Variants in DCAF10 observed in about 807,000 individuals in gnomAD.
DCAF10 encodes the protein DDB1- and CUL4-associated factor 10.
DCAF10 carries 19 observed loss-of-function variants against 51.9 expected under a neutral mutation model. The ratio of observed to expected loss-of-function variants is 0.37; its 90% CI spans 0.26 to 0.54. The LOEUF is 0.54. DCAF10 is among the 20% of genes least tolerant of loss of function. The pLI is 0.87. For missense variants in DCAF10, 510 were observed against 730.6 expected, an observed-to-expected ratio of 0.70 and a Z score of 3.48; for synonymous variants, 291 against 297.1, an observed-to-expected ratio of 0.98 and a Z score of 0.21.
At chr9:37,860,008 G>T in intron 5 of DCAF10, 40 bp from the exon 6 acceptor site, 2 of 1,609,504 alleles carry the variant, frequency 1.2e-6, no homozygotes, top group East Asian at 2.2e-5. Context: ...TTAGTTTTTT[G>T]ATAATACAAA....
At chr9:37,839,914 T>G (rs1830282522) in intron 2 of DCAF10, among the ~76,000 whole-genome samples, 1 of 152,244 alleles carries the variant, frequency 6.6e-6, no homozygotes, top group Non-Finnish European at 1.5e-5. Flanking sequence ...CCATGTGTAT[T>G]GTATACTGCA....
In DCAF10 at chr9:37,865,805, G is replaced by A. The variant is rs1353612575; in HGVS notation, c.*4297G>A. 1 of 151,890 alleles carries A rather than the reference G, an allele frequency of 6.6e-6. No homozygotes were observed. 9.4% of individuals were successfully genotyped at this position (151,890 alleles called of 1,614,324 possible). A position where few individuals can be genotyped will look rare whatever the true frequency, so the allele number is the denominator to read the frequency against. On this transcript the variant is annotated 3_prime_UTR_variant, in exon 7 of 7. Coordinates refer to ENST00000377724, the MANE Select transcript of DCAF10 (RefSeq NM_024345.5). ...TTATTTCTCCTTGCTATATTCCTGAGACTATACTAAAAACTTTAAGAAAAG... is the reference window on the plus strand; with the variant it reads ...TTATTTCTCCTTGCTATATTCCTGAAACTATACTAAAAACTTTAAGAAAAG...
At chr9:37,828,274 C>A (rs1285002850) in intron 2 of DCAF10, among the ~76,000 whole-genome samples, 1 of 151,716 alleles carries the variant, frequency 6.6e-6, no homozygotes, top group African/African-American at 2.4e-5. Context: ...AAATCTCCAG[C>A]CAACAATTTT....
At chr9:37,836,273 T>G in intron 2 of DCAF10, 1 of 1,579,094 alleles carries the variant, frequency 6.3e-7, no homozygotes, top group Non-Finnish European at 8.7e-7. Flanking sequence ...TGGAATATAT[T>G]CAGCGAAACT....
chr9:37,814,381 C>T (rs185929477), intron 1 of DCAF10, among the ~76,000 whole-genome samples: 2 of 145,252 alleles, frequency 1.4e-5, no homozygotes, highest in South Asian at 2.2e-4. Context: ...AACTCCTGAC[C>T]TTGTGATCCG....
rs553643703 is a variant in DCAF10, at chr9:37,864,899, T to TG, written c.*3394dup. ...CCCCAATTTAATTTGGAGGTAATAGTGGGTCAGAAAGATTAAATGACTTGC... is the reference window on the plus strand; with the variant it reads ...CCCCAATTTAATTTGGAGGTAATAGTGGGGTCAGAAAGATTAAATGACTTGC... On this transcript the variant is annotated 3_prime_UTR_variant, in exon 7 of 7. Coordinates refer to ENST00000377724, the MANE Select transcript of DCAF10 (RefSeq NM_024345.5). 2 of 152,048 alleles carry TG rather than the reference T, an allele frequency of 1.3e-5. No homozygotes were observed. Among genetic ancestry groups the TG allele is most frequent in the Non-Finnish European group, 2.9e-5 (2 of 68,028 alleles). The allele number at this position is 152,048 out of a possible 1,614,324, so 9.4% of individuals were successfully genotyped here. A position where few individuals can be genotyped will look rare whatever the true frequency, so the allele number is the denominator to read the frequency against.
chr9:37,853,247 T>C (rs1205585059), intron 3 of DCAF10, among the ~76,000 whole-genome samples: 1 of 150,532 alleles, frequency 6.6e-6, no homozygotes, highest in East Asian at 2.0e-4. Flanking sequence ...GGCATGGTGG[T>C]TCATGCCTGT....
intron 2 of DCAF10, among the ~76,000 whole-genome samples, chr9:37,834,297 A>G (rs532925081): frequency 1.3e-5 from 2 of 152,154 alleles, no homozygotes; most frequent in Middle Eastern, 3.2e-3. Flanking sequence ...GTTTTTAATA[A>G]GTAATATTTT....
rs1172889258 is a variant in DCAF10, at chr9:37,829,835, C to T, written c.653+10434C>T. 6.6e-6 allele frequency among the ~76,000 whole-genome samples: 1 copy of T among 152,036 alleles called. No individual in the cohort carries two copies. Among genetic ancestry groups the T allele is most frequent in the Non-Finnish European group, 1.5e-5 (1 of 68,010 alleles). On this transcript the variant is annotated intron_variant, in intron 2 of 6. Transcript: ENST00000377724. The surrounding 1 kb of genome is among the most constrained non-coding windows in gnomAD (Gnocchi z 4.2). Reference sequence around the variant, plus strand: ...TAGCCTGGGCAACACAGTGAGACTCCGTCTCTACAAACAATTTAAAAATTA... The same window carrying T: ...TAGCCTGGGCAACACAGTGAGACTCTGTCTCTACAAACAATTTAAAAATTA...
chr9:37,836,595 A>G (rs1192508454), intron 2 of DCAF10, among the ~76,000 whole-genome samples: 1 of 151,836 alleles, frequency 6.6e-6, no homozygotes, highest in East Asian at 1.9e-4. Flanking sequence ...TTTTTTGTAC[A>G]TGTCATTGTT....
intron 2 of DCAF10, chr9:37,836,239 CTG>C: frequency 6.4e-7 from 1 of 1,551,518 alleles, no homozygotes; most frequent in Non-Finnish European, 8.9e-7. Flanking sequence ...GAACATCTAA[CTG>C]GAAGCACAGC....
At chr9:37,805,405 A>C (rs1829081863) in intron 1 of DCAF10, among the ~76,000 whole-genome samples, 1 of 152,112 alleles carries the variant, frequency 6.6e-6, no homozygotes, top group Non-Finnish European at 1.5e-5. Flanking sequence ...AATCACTTGA[A>C]CCTGGGAGGC....
Position 37,862,050 on chromosome 9 carries a change from G to A in DCAF10, c.*542G>A, listed in dbSNP as rs900027832. On this transcript the variant is annotated 3_prime_UTR_variant, in exon 7 of 7. Transcript: ENST00000377724. ...AGTTACTGTTATGTTTATCTATATT[G>A]AGCACAGATAATGGCATTATTCTTA... The A allele has an allele frequency of 6.5e-6, 1 of 152,832 alleles. No individual in the cohort carries two copies. Among genetic ancestry groups the A allele is most frequent in the Admixed American group, 6.5e-5 (1 of 15,362 alleles). The allele number at this position is 152,832 out of a possible 1,614,324, so 9.5% of individuals were successfully genotyped here.
At chr9:37,855,657 A>G (rs1830824809) in intron 4 of DCAF10, among the ~76,000 whole-genome samples, 1 of 152,336 alleles carries the variant, frequency 6.6e-6, no homozygotes, top group East Asian at 1.9e-4. Context: ...AATCCAGGGG[A>G]AAAAAGACTT....
At chr9:37,835,029 G>C (rs1313306190) in intron 2 of DCAF10, among the ~76,000 whole-genome samples, 5 of 152,154 alleles carry the variant, frequency 3.3e-5, no homozygotes, top group African/African-American at 1.2e-4. Context: ...CAAGAGATCA[G>C]CTGGCCTCGG....
At position 37,806,028 on chromosome 9, in the gene DCAF10, G is replaced by A. The variant is rs117575706; in HGVS notation, c.539+4623G>A. On this transcript the variant is annotated intron_variant, in intron 1 of 6. Coordinates refer to ENST00000377724, the MANE Select transcript of DCAF10 (RefSeq NM_024345.5). ...GAGCTCGGAAGGTGGAGGCTGCAGT[G>A]AACCAGGATTGTGCCACTGCACTCC... Among the ~76,000 whole-genome samples, 1,023 of 152,216 alleles carry A rather than the reference G, an allele frequency of 6.7e-3. 40 individuals are homozygous for A. In the East Asian group the frequency reaches 0.11, roughly 16 times the overall value.
At chr9:37,806,897 A>C (rs1829130904) in intron 1 of DCAF10, among the ~76,000 whole-genome samples, 1 of 152,198 alleles carries the variant, frequency 6.6e-6, no homozygotes, top group Non-Finnish European at 1.5e-5. Flanking sequence ...GGGAATTAAG[A>C]AGCAGAAAGT....
At chr9:37,839,949 C>T (rs371161938) in intron 2 of DCAF10, among the ~76,000 whole-genome samples, 112 of 152,310 alleles carry the variant, frequency 7.4e-4, no homozygotes, top group African/African-American at 2.4e-3. Context: ...CCTAGGCAGA[C>T]AGGTTCCTTC....
chr9:37,847,296 T>C (rs77560228), intron 3 of DCAF10, among the ~76,000 whole-genome samples: 25,434 of 135,700 alleles, frequency 0.19, 2,762 homozygotes, highest in African/African-American at 0.29. Context: ...ACCACAAATA[T>C]TCCTAAAAAA....
Sources: gnomAD v4.1 joint callset for allele counts (sites outside exome capture counted in the v4.1 genomes callset) on GRCh38, gnomAD v4.1.1 for gene constraint, Gnocchi (gnomAD v3.1) non-coding constraint, MANE v1.5 for transcripts, NCBI Gene and HGNC (gene_info 2026-07-23, HGNC 2026-07-21) for gene names.